The following EMC8 variants were observed in gnomAD, a reference collection of about 807,000 sequenced individuals.
EMC8 encodes ER membrane protein complex subunit 8.
EMC8 carries 11 observed loss-of-function variants against 24.3 expected under a neutral mutation model. The observed-to-expected ratio is 0.45, with a 90% CI of 0.28 to 0.75. The LOEUF (loss-of-function observed/expected upper bound fraction) is 0.75, where lower values mean the gene tolerates loss of function less well. EMC8 is among the 30% of genes least tolerant of loss of function. The pLI is 0.12. For missense variants in EMC8, 277 were observed against 282.7 expected (o/e 0.98, Z 0.14); for synonymous variants, 145 against 117.7 (o/e 1.23, Z -1.50).
intron 1 of EMC8, among the ~76,000 whole-genome samples, chr16:85,791,062 A>G (rs1260043154): frequency 1.3e-5 from 2 of 152,108 alleles, no homozygotes; most frequent in Non-Finnish European, 2.9e-5. Context: ...TCCTGGGTTC[A>G]AGCAATCCTC....
chr16:85,780,883 C>T (rs770799773), intron 3 of EMC8: 27 of 457,668 alleles, frequency 5.9e-5, no homozygotes, highest in Non-Finnish European at 1.0e-4. Context: ...TAGAAGGTGT[C>T]TTAACATGGA....
intron 2 of EMC8, among the ~76,000 whole-genome samples, chr16:85,785,300 T>C (rs377325346): frequency 2.0e-5 from 3 of 152,284 alleles, no homozygotes; most frequent in Non-Finnish European, 2.9e-5. Context: ...CCGGGTGTGG[T>C]GGCTCATGCC....
intron 1 of EMC8, among the ~76,000 whole-genome samples, chr16:85,797,999 C>T (rs1905321556): frequency 6.6e-6 from 1 of 152,120 alleles, no homozygotes; most frequent in African/African-American, 2.4e-5. Flanking sequence ...ACTAGTCTAC[C>T]TGCATGCTAC....
chr16:85,798,982 G>A, intron 1 of EMC8, 83 bp downstream of exon 1: 2 of 1,017,146 alleles, frequency 2.0e-6, no homozygotes, highest in Middle Eastern at 2.6e-4. Flanking sequence ...CTGCTGGAGG[G>A]CGACCGCTGG....
intron 2 of EMC8, among the ~76,000 whole-genome samples, chr16:85,783,751 T>C (rs942995665): frequency 2.7e-4 from 41 of 152,262 alleles, no homozygotes; most frequent in African/African-American, 8.7e-4. Context: ...CGTCTGGCCC[T>C]CCACACCAAG....
intron 1 of EMC8, among the ~76,000 whole-genome samples, chr16:85,795,230 G>A (rs749266931): frequency 2.0e-5 from 3 of 151,800 alleles, no homozygotes; most frequent in Non-Finnish European, 2.9e-5. Flanking sequence ...TTGTCTTCAA[G>A]AAGCTCCTAG....
intron 3 of EMC8, chr16:85,780,749 G>A (rs965612891): frequency 1.7e-5 from 9 of 515,852 alleles, no homozygotes; most frequent in African/African-American, 9.5e-5. Context: ...AATCAAGGCT[G>A]TTCAGCAAGG....
chr16:85,782,762 A>G (rs1246794594), intron 2 of EMC8, among the ~76,000 whole-genome samples: 1 of 151,956 alleles, frequency 6.6e-6, no homozygotes, highest in African/African-American at 2.4e-5. Flanking sequence ...CCCCCTCAAA[A>G]GCCTCCCAGC....
At chr16:85,783,324 G>A (rs1349869192) in intron 2 of EMC8, among the ~76,000 whole-genome samples, 8 of 151,804 alleles carry the variant, frequency 5.3e-5, no homozygotes, top group African/African-American at 1.2e-4. Context: ...ACAGAGTCTC[G>A]CTTCGTTGCC....
chr16:85,791,425 G>A (rs1242032365), intron 1 of EMC8, among the ~76,000 whole-genome samples: 2 of 152,136 alleles, frequency 1.3e-5, no homozygotes, highest in African/African-American at 4.8e-5. Context: ...TAGGTTTTAA[G>A]CCCCGCATGC....
chr16:85,792,723 T>C (rs1221165836), intron 1 of EMC8: 3 of 152,162 alleles, frequency 2.0e-5, no homozygotes, highest in Non-Finnish European at 4.4e-5. Flanking sequence ...GGCTCCTGCA[T>C]GAAAAGCTGC....
intron 2 of EMC8, among the ~76,000 whole-genome samples, chr16:85,786,225 A>T (rs1904747520): frequency 6.6e-6 from 1 of 152,250 alleles, no homozygotes; most frequent in Non-Finnish European, 1.5e-5. Context: ...TAAGTCACCT[A>T]GAATTTGAAT....
At chr16:85,786,926 C>T (rs1303693306) in intron 2 of EMC8, among the ~76,000 whole-genome samples, 1 of 152,158 alleles carries the variant, frequency 6.6e-6, no homozygotes, top group Non-Finnish European at 1.5e-5. Flanking sequence ...CATGGATTTG[C>T]AGGTGGGGGA....
chr16:85,789,747 A>G (rs922412768), intron 1 of EMC8, among the ~76,000 whole-genome samples: 19 of 151,836 alleles, frequency 1.3e-4, no homozygotes, highest in African/African-American at 4.6e-4. Context: ...AGCCAAGATC[A>G]TGCCACTGCA....
intron 1 of EMC8, among the ~76,000 whole-genome samples, chr16:85,792,124 AACACATATGGTATCACCTTGT>A (rs72121575): frequency 0.021 from 3,265 of 152,288 alleles, 119 homozygotes; most frequent in African/African-American, 0.074. Flanking sequence ...TAGCCCAGTA[AACACATATGGTATCACCTTGT>A]ACCCACTCTC....
intron 2 of EMC8, among the ~76,000 whole-genome samples, chr16:85,783,789 T>A (rs1390593319): frequency 6.6e-6 from 1 of 152,102 alleles, no homozygotes; most frequent in East Asian, 1.9e-4. Flanking sequence ...CTTCCCCTCT[T>A]TCAGTGCCCA....
At chr16:85,781,093 G>T in intron 3 of EMC8, 118 bp downstream of exon 3, 1 of 703,054 alleles carries the variant, frequency 1.4e-6, no homozygotes, top group South Asian at 1.6e-5. Flanking sequence ...AGGCGGCAAT[G>T]GTCTCAAGCA....
At chr16:85,795,132 T>G (rs1421781837) in intron 1 of EMC8, among the ~76,000 whole-genome samples, 1 of 152,104 alleles carries the variant, frequency 6.6e-6, no homozygotes, top group East Asian at 1.9e-4. Context: ...TCACATCCCA[T>G]AGTCGGAACA....
intron 1 of EMC8, among the ~76,000 whole-genome samples, chr16:85,792,186 G>A (rs1406854088): frequency 6.6e-6 from 1 of 152,150 alleles, no homozygotes; most frequent in African/African-American, 2.4e-5. Flanking sequence ...TACAAAAGAT[G>A]ATTCCTATGA....
Sources: gnomAD v4.1 joint callset for allele counts (sites outside exome capture counted in the v4.1 genomes callset) on GRCh38, gnomAD v4.1.1 for gene constraint, MANE v1.5 for transcripts, NCBI Gene and HGNC (gene_info 2026-07-23, HGNC 2026-07-21) for gene names.